Variants in MAGI1 observed in about 807,000 individuals in gnomAD.
MAGI1 encodes membrane associated guanylate kinase, WW and PDZ domain containing 1.
In MAGI1, 58 loss-of-function variants were observed where a neutral mutation model predicts 139.9. The ratio of observed to expected loss-of-function variants is 0.41; its 90% CI spans 0.34 to 0.52. The LOEUF (loss-of-function observed/expected upper bound fraction) is 0.52, where lower values mean the gene tolerates loss of function less well. Ranked by LOEUF, MAGI1 falls within the 20% of genes least tolerant of loss-of-function variation. The probability of loss-of-function intolerance (pLI) is 0.12; values close to 1 mark genes in which losing one functional copy is unlikely to be tolerated. For synonymous variants in MAGI1, 812 were observed against 737.9 expected (o/e 1.10, Z -1.63); for missense variants, 1,874 against 1,901.6 (o/e 0.99, Z 0.27).
intron 2 of MAGI1, among the ~76,000 whole-genome samples, chr3:65,527,599 C>A (rs1353542464): frequency 6.6e-6 from 1 of 152,118 alleles, no homozygotes; most frequent in Admixed American, 6.6e-5. Context: ...GTGGCAGACG[C>A]CTGTAGTCCC....
At chr3:65,985,585 T>C (rs1358790722) in intron 1 of MAGI1, among the ~76,000 whole-genome samples, 6 of 152,216 alleles carry the variant, frequency 3.9e-5, no homozygotes, top group Admixed American at 6.5e-5. Flanking sequence ...TAGACTTTCT[T>C]AAGTGGAAAT....
At chr3:65,462,197 C>A (rs1203291276) in intron 5 of MAGI1, among the ~76,000 whole-genome samples, 1 of 152,082 alleles carries the variant, frequency 6.6e-6, no homozygotes, top group Non-Finnish European at 1.5e-5. Context: ...TTTGCCCATG[C>A]CTATGTCCGG....
intron 1 of MAGI1, among the ~76,000 whole-genome samples, chr3:65,642,234 C>A (rs2085019239): frequency 1.3e-5 from 2 of 152,172 alleles, no homozygotes; most frequent in South Asian, 2.1e-4. Context: ...GAACCATGTG[C>A]TACCTCAAAA....
chr3:65,419,221 TACAC>T (rs71102854), intron 12 of MAGI1, among the ~76,000 whole-genome samples: 105 of 86,204 alleles, frequency 1.2e-3, no homozygotes, highest in Admixed American at 1.9e-3. Context: ...AACACATTCA[TACAC>T]ACACACACAC....
chr3:65,612,810 T>A (rs2083189676), intron 2 of MAGI1, among the ~76,000 whole-genome samples: 1 of 152,214 alleles, frequency 6.6e-6, no homozygotes, highest in African/African-American at 2.4e-5. Context: ...TAAAATATCC[T>A]TTCCTCAAAA....
At chr3:65,727,073 A>T (rs1197590677) in intron 1 of MAGI1, among the ~76,000 whole-genome samples, 1 of 152,176 alleles carries the variant, frequency 6.6e-6, no homozygotes, top group Non-Finnish European at 1.5e-5. Context: ...AAGAAAACAA[A>T]ATATATGGGA....
intron 2 of MAGI1, chr3:65,549,530 TG>T: frequency 1.0e-6 from 1 of 971,726 alleles, no homozygotes; most frequent in Non-Finnish European, 1.2e-6. Flanking sequence ...GCTCCTTTTA[TG>T]GGGCTCGCAG....
chr3:65,419,221 T>TAC (rs71102854), intron 12 of MAGI1, among the ~76,000 whole-genome samples: 6,946 of 86,260 alleles, frequency 0.081, 161 homozygotes, highest in East Asian at 0.29. Context: ...AACACATTCA[T>TAC]ACACACACAC....
rs72908935 is a variant in MAGI1 at position 65,951,897 on chromosome 3, T to G, written c.313+86099A>C. ...TGAGCAAAATATTCTTAAATAATCA[T>G]GCTTTTTCTTAAGGCACTGAAGAAC... is the stretch of plus-strand genomic sequence containing the variant. On this transcript the variant is annotated intron_variant, in intron 1 of 22. Transcript: ENST00000402939. 5.7e-3 allele frequency among the ~76,000 whole-genome samples: 863 copies of G among 152,318 alleles called. 5 individuals carry two copies. The highest frequency in any genetic ancestry group is 0.02 in the African/African-American group (811 of 41,572).
At chr3:65,540,247 C>T (rs1449570994) in intron 2 of MAGI1, among the ~76,000 whole-genome samples, 25 of 152,206 alleles carry the variant, frequency 1.6e-4, no homozygotes, top group Admixed American at 1.6e-3. Context: ...TCAGTTTATA[C>T]ATGCCTTCCT....
intron 1 of MAGI1, among the ~76,000 whole-genome samples, chr3:65,936,532 A>C (rs1311033150): frequency 6.6e-6 from 1 of 151,556 alleles, no homozygotes; most frequent in Non-Finnish European, 1.5e-5. Context: ...CCAGCTACTC[A>C]GGCAGTGGGC....
intron 1 of MAGI1, among the ~76,000 whole-genome samples, chr3:65,955,543 G>A (rs1406851695): frequency 6.6e-6 from 1 of 152,106 alleles, no homozygotes; most frequent in African/African-American, 2.4e-5. Flanking sequence ...TCTTTGAAGA[G>A]TCTATCTATT....
chr3:65,891,885 A>AATATATATAT (rs55826911), intron 1 of MAGI1, among the ~76,000 whole-genome samples: 1 of 37,538 alleles, frequency 2.7e-5, no homozygotes, highest in Non-Finnish European at 6.0e-5. Flanking sequence ...CTTAAAGTAT[A>AATATATATAT]ATATATATAT....
At chr3:65,724,286 C>T (rs551363715) in intron 1 of MAGI1, among the ~76,000 whole-genome samples, 1 of 152,228 alleles carries the variant, frequency 6.6e-6, no homozygotes, top group Non-Finnish European at 1.5e-5. Flanking sequence ...ATGTCTGATT[C>T]TGTTTCATCT....
intron 1 of MAGI1, among the ~76,000 whole-genome samples, chr3:65,818,040 A>ATGAG (rs1210195713): frequency 2.8e-5 from 3 of 106,666 alleles, no homozygotes; most frequent in Non-Finnish European, 4.0e-5. Context: ...AAGTAAAATT[A>ATGAG]TGAGTGTGTG....
At chr3:65,607,831 G>A (rs1181685338) in intron 2 of MAGI1, among the ~76,000 whole-genome samples, 2 of 152,128 alleles carry the variant, frequency 1.3e-5, no homozygotes, top group African/African-American at 2.4e-5. Context: ...TATTATGCAT[G>A]CGGCCACTGT....
At chr3:66,015,730 G>C (rs945811666) in intron 1 of MAGI1, among the ~76,000 whole-genome samples, 2 of 152,066 alleles carry the variant, frequency 1.3e-5, no homozygotes, top group Non-Finnish European at 2.9e-5. Flanking sequence ...ATCTACACTG[G>C]AATAATCAAC....
intron 1 of MAGI1, among the ~76,000 whole-genome samples, chr3:65,672,411 G>T (rs920008522): frequency 6.6e-6 from 1 of 152,142 alleles, no homozygotes; most frequent in Non-Finnish European, 1.5e-5. Flanking sequence ...CGCTGACAAA[G>T]AAGCCATTTT....
chr3:65,827,326 G>A (rs191707089), intron 1 of MAGI1, among the ~76,000 whole-genome samples: 4 of 152,206 alleles, frequency 2.6e-5, no homozygotes, highest in Admixed American at 1.3e-4. Context: ...TGGGGAAGAC[G>A]TAGGAGACAA....
Sources: gnomAD v4.1 joint callset for allele counts (sites outside exome capture counted in the v4.1 genomes callset) on GRCh38, gnomAD v4.1.1 for gene constraint, MANE v1.5 for transcripts, NCBI Gene and HGNC (gene_info 2026-07-23, HGNC 2026-07-21) for gene names.